Variants in PPP1R9A observed in about 807,000 individuals in gnomAD.
PPP1R9A encodes the protein protein phosphatase 1 regulatory subunit 9A.
PPP1R9A carries 59 observed loss-of-function variants against 141.9 expected under a neutral mutation model. The ratio of observed to expected loss-of-function variants is 0.42; its 90% CI spans 0.34 to 0.52. PPP1R9A has a LOEUF of 0.52. Among genes scored for constraint, PPP1R9A ranks in the 20% least tolerant of loss-of-function variants. The pLI, the probability that PPP1R9A is intolerant of heterozygous loss-of-function variation, is 0.10. For synonymous variants in PPP1R9A, 500 were observed against 569.7 expected (o/e 0.88, Z 1.74); for missense variants, 1,444 against 1,611.9 (o/e 0.90, Z 1.78).
chr7:95,021,295 T>C (rs1409778581), intron 2 of PPP1R9A, among the ~76,000 whole-genome samples: 1 of 150,428 alleles, frequency 6.6e-6, no homozygotes, highest in Non-Finnish European at 1.5e-5. Flanking sequence ...TCATATTCTT[T>C]GCTCACTTTT....
chr7:95,044,617 T>C (rs778582433), intron 2 of PPP1R9A, among the ~76,000 whole-genome samples: 1 of 148,310 alleles, frequency 6.7e-6, no homozygotes, highest in Admixed American at 6.8e-5. Context: ...CAATCAAACC[T>C]CACTGCAGCC....
intron 14 of PPP1R9A, among the ~76,000 whole-genome samples, chr7:95,273,515 A>C (rs796437986): frequency 5.4e-4 from 83 of 152,344 alleles, no homozygotes; most frequent in African/African-American, 1.9e-3. Context: ...TACAACCCCA[A>C]GGCAAGAAAG....
intron 2 of PPP1R9A, among the ~76,000 whole-genome samples, chr7:95,073,136 C>T (rs1418298153): frequency 6.6e-6 from 1 of 150,580 alleles, no homozygotes; most frequent in African/African-American, 2.4e-5. Context: ...TAGGCATCCA[C>T]CACCACACCC....
At chr7:95,168,656 T>C (rs1444532351) in intron 5 of PPP1R9A, among the ~76,000 whole-genome samples, 1 of 152,060 alleles carries the variant, frequency 6.6e-6, no homozygotes, top group Non-Finnish European at 1.5e-5. Flanking sequence ...AAGATTCTAA[T>C]ATCTAGAATA....
In PPP1R9A at chr7:95,292,991, A is replaced by G. The variant is rs1313036303; in HGVS notation, c.*2688A>G. ...ACAGAATTGTTATTTCATCAACCTT[A>G]AAAACTGCAGTTTTTATTATCAGAA... On this transcript the variant is annotated 3_prime_UTR_variant, in exon 20 of 20. Transcript: ENST00000433360. 2 of 152,190 alleles carry G rather than the reference A, an allele frequency of 1.3e-5. No homozygotes were observed. Among genetic ancestry groups the G allele is most frequent in the African/African-American group, 4.8e-5 (2 of 41,440 alleles). The allele number at this position is 152,190 out of a possible 1,614,324, so 9.4% of individuals were successfully genotyped here.
intron 2 of PPP1R9A, among the ~76,000 whole-genome samples, chr7:95,039,313 T>C (rs1320117704): frequency 6.6e-6 from 1 of 152,148 alleles, no homozygotes; most frequent in Non-Finnish European, 1.5e-5. Context: ...CTTATGCCTG[T>C]AATCCAGCAC....
chr7:95,199,790 C>G (rs755829796), intron 6 of PPP1R9A, among the ~76,000 whole-genome samples: 46 of 152,126 alleles, frequency 3.0e-4, no homozygotes, highest in Non-Finnish European at 5.7e-4. Context: ...GGGATTTCCT[C>G]AAATATTTTG....
chr7:95,113,691 A>G (rs1025115634), intron 3 of PPP1R9A, among the ~76,000 whole-genome samples: 1 of 152,208 alleles, frequency 6.6e-6, no homozygotes, highest in Non-Finnish European at 1.5e-5. Flanking sequence ...CCCAGAAAGC[A>G]TTTACCTATC....
intron 2 of PPP1R9A, among the ~76,000 whole-genome samples, chr7:94,936,005 A>T (rs1794727211): frequency 6.6e-6 from 1 of 152,198 alleles, no homozygotes; most frequent in South Asian, 2.1e-4. Flanking sequence ...ATTTTAGGCT[A>T]TGTTTACATT....
chr7:95,108,194 C>T (rs1241964103), intron 2 of PPP1R9A, among the ~76,000 whole-genome samples: 1 of 151,148 alleles, frequency 6.6e-6, no homozygotes, highest in Non-Finnish European at 1.5e-5. Context: ...CAATAATTTG[C>T]AGTGTTTTCT....
chr7:94,985,574 G>A (rs977850344), intron 2 of PPP1R9A, among the ~76,000 whole-genome samples: 3 of 152,114 alleles, frequency 2.0e-5, no homozygotes, highest in Non-Finnish European at 1.5e-5. Context: ...TTACCATTAT[G>A]TGATGGACTT....
chr7:95,124,865 C>G (rs1823288838), intron 4 of PPP1R9A, among the ~76,000 whole-genome samples: 1 of 152,038 alleles, frequency 6.6e-6, no homozygotes, highest in African/African-American at 2.4e-5. Context: ...GAAGCCTTTT[C>G]ATTGTGATCG....
intron 18 of PPP1R9A, chr7:95,287,104 A>G (rs772905248): frequency 2.5e-6 from 4 of 1,611,566 alleles, no homozygotes; most frequent in Non-Finnish European, 3.4e-6. Context: ...TTGCTCCCTC[A>G]CTCAGAGCCT....
intron 2 of PPP1R9A, among the ~76,000 whole-genome samples, chr7:95,046,710 G>A (rs903672425): frequency 3.3e-5 from 5 of 152,128 alleles, no homozygotes; most frequent in African/African-American, 1.2e-4. Flanking sequence ...ATTTGCTACT[G>A]ATTTCTCACT....
At chr7:95,040,759 C>T (rs1165904491) in intron 2 of PPP1R9A, among the ~76,000 whole-genome samples, 2 of 152,232 alleles carry the variant, frequency 1.3e-5, no homozygotes, top group Non-Finnish European at 2.9e-5. Flanking sequence ...TTAATCTACT[C>T]TCGAATTTTA....
At chr7:95,045,142 C>G (rs1188038538) in intron 2 of PPP1R9A, among the ~76,000 whole-genome samples, 1 of 151,966 alleles carries the variant, frequency 6.6e-6, no homozygotes, top group African/African-American at 2.4e-5. Context: ...CAAAGCTATA[C>G]GAATCTATGG....
chr7:95,120,693 C>CT lies in PPP1R9A; in HGVS notation c.1529-12dup. 9 of 1,606,468 alleles carry CT rather than the reference C, an allele frequency of 5.6e-6. No homozygotes were observed. Among genetic ancestry groups the CT allele is most frequent in the South Asian group, 1.1e-5 (1 of 89,034 alleles). On this transcript the variant is annotated intron_variant, in intron 3 of 19. Coordinates refer to ENST00000433360, the MANE Select transcript of PPP1R9A (RefSeq NM_001166160.2). ...AAACTTAAGTTGTTTCACCTCCCCC[C>CT]TTTTTTTCTTTTTAATAGATGAGGA...
chr7:95,289,156 A>G (rs1585658700), intron 19 of PPP1R9A, among the ~76,000 whole-genome samples: 2 of 152,246 alleles, frequency 1.3e-5, no homozygotes, highest in Non-Finnish European at 2.9e-5. Flanking sequence ...TGTTCTCCCC[A>G]GAAGTTTTTT....
At position 95,166,676 on chromosome 7, in the gene PPP1R9A, A is replaced by C. The variant is rs574768945; in HGVS notation, c.1754+4705A>C. Among the ~76,000 whole-genome samples the C allele has an allele frequency of 3.9e-5, 6 of 152,200 alleles. No homozygotes were observed. In the South Asian group the frequency reaches 1.2e-3, roughly 31 times the overall value. ...TGATTCTTTCTATGAGGCAAGCATTACCCTGATACCAAAAGGAGATAAGGA... is the reference window on the plus strand; with the variant it reads ...TGATTCTTTCTATGAGGCAAGCATTCCCCTGATACCAAAAGGAGATAAGGA... On this transcript the variant is annotated intron_variant, in intron 5 of 19. Transcript: ENST00000433360.
Sources: allele counts gnomAD v4.1 joint callset (sites outside exome capture counted in the v4.1 genomes callset), GRCh38; gene constraint gnomAD v4.1.1; transcripts MANE v1.5; gene names NCBI Gene and HGNC (gene_info 2026-07-23, HGNC 2026-07-21).